Variants in STON2 observed in about 807,000 individuals in gnomAD.
The protein encoded by STON2 is stonin 2.
Under a neutral mutation model 65.7 loss-of-function variants are expected in STON2, and 29 were observed. The ratio of observed to expected loss-of-function variants is 0.44; its 90% CI spans 0.33 to 0.60. The LOEUF (loss-of-function observed/expected upper bound fraction) is 0.60, where lower values mean the gene tolerates loss of function less well. Among genes scored for constraint, STON2 ranks in the 20% least tolerant of loss-of-function variants. The probability of loss-of-function intolerance (pLI) is 0.03; values close to 1 mark genes in which losing one functional copy is unlikely to be tolerated. For missense variants in STON2, 1,054 were observed against 1,118.1 expected (o/e 0.94, Z 0.82); for synonymous variants, 404 against 414.2 (o/e 0.98, Z 0.30).
At chr14:81,338,162 C>T (rs1379224003) in intron 4 of STON2, among the ~76,000 whole-genome samples, 1 of 152,142 alleles carries the variant, frequency 6.6e-6, no homozygotes, top group African/African-American at 2.4e-5. Context: ...AATGAGGCAA[C>T]TCTTGGCGGA....
chr14:81,381,808 T>C (rs1899532519), intron 3 of STON2, among the ~76,000 whole-genome samples: 1 of 152,126 alleles, frequency 6.6e-6, no homozygotes, highest in Admixed American at 6.6e-5. Flanking sequence ...AGCACAGCAA[T>C]TCCCATCCTA....
chr14:81,412,325 G>C lies in STON2; in HGVS notation c.-198-13745C>G, dbSNP rs947107592. The stretch of plus-strand genomic sequence containing the variant: ...TTGAGAAAAGAGATGATGGTGGCCT[G>C]AAACAACCTAGGCGTCCGATGATGA... On this transcript the variant is annotated intron_variant, in intron 2 of 8. Coordinates refer to the STON2 transcript ENST00000553821. Among the ~76,000 whole-genome samples, 8 of 139,914 alleles carry C rather than the reference G, an allele frequency of 5.7e-5. 1 individual carries two copies. The highest frequency in any genetic ancestry group is 2.3e-4 in the African/African-American group (8 of 34,098). 91.8% of individuals were successfully genotyped at this position (139,914 alleles called of 152,430 possible).
chr14:81,413,526 T>A (rs1021888755), intron 2 of STON2, among the ~76,000 whole-genome samples: 2 of 140,256 alleles, frequency 1.4e-5, no homozygotes, highest in Non-Finnish European at 3.0e-5. Flanking sequence ...CCGGGCGCAG[T>A]GGCTCATGCC....
intron 5 of STON2, among the ~76,000 whole-genome samples, chr14:81,280,175 T>C (rs1408326836): frequency 3.3e-5 from 5 of 152,224 alleles, no homozygotes; most frequent in Non-Finnish European, 7.3e-5. Context: ...AACTCCACTT[T>C]AGCAGGGCCT....
At chr14:81,374,042 G>A (rs1296528615) in intron 3 of STON2, among the ~76,000 whole-genome samples, 1 of 105,908 alleles carries the variant, frequency 9.4e-6, no homozygotes, top group African/African-American at 3.8e-5. Flanking sequence ...ACAGACTCTC[G>A]CTTTGCTGCC....
At chr14:81,287,129 G>A (rs933311007) in intron 5 of STON2, among the ~76,000 whole-genome samples, 2 of 152,202 alleles carry the variant, frequency 1.3e-5, no homozygotes, top group Admixed American at 6.5e-5. Flanking sequence ...TATAGGGTGA[G>A]AGAAGGGAGG....
chr14:81,353,003 G>C (rs2140319701), intron 4 of STON2, among the ~76,000 whole-genome samples: 1 of 152,204 alleles, frequency 6.6e-6, no homozygotes, highest in South Asian at 2.1e-4. Context: ...TGAATAAATA[G>C]GGAAGAAAAA....
At chr14:81,369,482 C>G (rs1205073152) in intron 4 of STON2, among the ~76,000 whole-genome samples, 2 of 152,050 alleles carry the variant, frequency 1.3e-5, no homozygotes, top group East Asian at 3.9e-4. Flanking sequence ...CTTGGCTTTT[C>G]CTTCAGTGAG....
intron 1 of STON2, among the ~76,000 whole-genome samples, chr14:81,435,411 G>T (rs1048274925): frequency 7.9e-5 from 12 of 152,168 alleles, no homozygotes; most frequent in African/African-American, 2.7e-4. Context: ...TTAGCGCTGT[G>T]CTGGGTGTTT....
chr14:81,268,525 G>T, intron 7 of STON2, 28 bp from the exon 8 acceptor site: 45 of 1,288,174 alleles, frequency 3.5e-5, no homozygotes, highest in Non-Finnish European at 4.6e-5. Flanking sequence ...TGGAGATAAA[G>T]ATCAAAAAGA....
At chr14:81,431,772 T>C (rs1345575561) in intron 1 of STON2, among the ~76,000 whole-genome samples, 4 of 148,558 alleles carry the variant, frequency 2.7e-5, no homozygotes, top group Non-Finnish European at 4.5e-5. Flanking sequence ...AGCGAAACTC[T>C]GTCTCAAAAA....
intron 4 of STON2, among the ~76,000 whole-genome samples, chr14:81,325,648 C>T (rs561771789): frequency 6.6e-6 from 1 of 152,156 alleles, no homozygotes; most frequent in East Asian, 1.9e-4. Flanking sequence ...TTAAAAACAA[C>T]ATAACTTGGA....
chr14:81,350,863 T>A (rs1345665313), intron 4 of STON2, among the ~76,000 whole-genome samples: 1 of 152,156 alleles, frequency 6.6e-6, no homozygotes, highest in Non-Finnish European at 1.5e-5. Flanking sequence ...CTTTGTTGAG[T>A]GCATGTTAAC....
At chr14:81,359,045 CA>C (rs1286767527) in intron 4 of STON2, among the ~76,000 whole-genome samples, 1 of 152,120 alleles carries the variant, frequency 6.6e-6, no homozygotes, top group Non-Finnish European at 1.5e-5. Context: ...ATGGACCTAG[CA>C]AACATATACA....
Position 81,261,959 on chromosome 14 carries a change from A to AG in STON2, c.*6454_*6455insC, listed in dbSNP as rs1471534152. The AG allele has an allele frequency of 7.0e-7, 1 of 1,437,978 alleles. No individual in the cohort carries two copies. The highest frequency in any genetic ancestry group is 9.1e-7 in the Non-Finnish European group (1 of 1,102,546). The allele number at this position is 1,437,978 out of a possible 1,614,324, so 89.1% of individuals were successfully genotyped here. On this transcript the variant is annotated 3_prime_UTR_variant, in exon 8 of 8. Coordinates refer to ENST00000614646, the MANE Select transcript of STON2 (RefSeq NM_001394390.1). ...GGGGAAATGATAAAAAAAAAAAAAA[A>AG]AAAGAGAGAGATGTGAAAAGGAAAA...
At chr14:81,424,252 T>C (rs1901856265) in intron 2 of STON2, among the ~76,000 whole-genome samples, 1 of 152,126 alleles carries the variant, frequency 6.6e-6, no homozygotes, top group South Asian at 2.1e-4. Flanking sequence ...GAGACCAGCC[T>C]GGCCAACATG....
At chr14:81,425,849 G>T (rs564091873) in intron 2 of STON2, among the ~76,000 whole-genome samples, 8 of 152,182 alleles carry the variant, frequency 5.3e-5, no homozygotes, top group Non-Finnish European at 1.0e-4. Context: ...TCTGGCATAT[G>T]TGTATAGTTA....
At chr14:81,316,420 CCTT>C in intron 5 of STON2, among the ~76,000 whole-genome samples, 1 of 152,184 alleles carries the variant, frequency 6.6e-6, no homozygotes, top group East Asian at 1.9e-4. Flanking sequence ...TGCTAGATTT[CCTT>C]TTTTCCCATG....
chr14:81,372,116 C>T (rs1388870214), intron 3 of STON2, among the ~76,000 whole-genome samples: 1 of 152,314 alleles, frequency 6.6e-6, no homozygotes, highest in East Asian at 1.9e-4. Context: ...GCTTTATCTC[C>T]TTAGTCTTGA....
Sources: gnomAD v4.1 joint callset for allele counts (sites outside exome capture counted in the v4.1 genomes callset) on GRCh38, gnomAD v4.1.1 for gene constraint, MANE v1.5 for transcripts, NCBI Gene and HGNC (gene_info 2026-07-23, HGNC 2026-07-21) for gene names.